The following RIPK1 variants were observed in gnomAD, a reference collection of about 807,000 sequenced individuals.
RIPK1 encodes receptor interacting serine/threonine kinase 1.
Under a neutral mutation model 62.4 loss-of-function variants are expected in RIPK1, and 27 were observed. The observed-to-expected ratio is 0.43, with a 90% CI of 0.32 to 0.60. RIPK1 has a LOEUF of 0.60. RIPK1 is among the 20% of genes least tolerant of loss of function. RIPK1 has a pLI of 0.07. For missense variants in RIPK1, 735 were observed against 831.0 expected (o/e 0.88, Z 1.42); for synonymous variants, 287 against 303.2 (o/e 0.95, Z 0.55).
In RIPK1 at chr6:3,076,769, A is replaced by G; in HGVS notation, c.-55A>G. The G allele has an allele frequency of 6.3e-7, 1 of 1,584,680 alleles. No homozygotes were observed. The highest frequency in any genetic ancestry group is 8.6e-7 in the Non-Finnish European group (1 of 1,165,842). On this transcript the variant is annotated 5_prime_UTR_variant, in exon 2 of 11. Transcript: ENST00000259808. The stretch of plus-strand genomic sequence containing the variant: ...TCTCTCTGTTTTCTTTACAGGGTAC[A>G]GCTCTGCCGGGGGGGGAAAAAGTGG...
At position 3,104,277 on chromosome 6, in the gene RIPK1, T is replaced by G. The variant is rs1344080235; in HGVS notation, c.968T>G (p.Leu323Arg). ...AVVKRMQSLQ[L>R]DCVAVPSSRS... ...GTGAAGAGAATGCAGTCTCTTCAAC[T>G]TGATTGTGTGGCAGTACCTTCAAGC... is the stretch of plus-strand genomic sequence containing the variant. Residue 323 changes from leucine (L) to arginine (R), a missense_variant, in exon 8 of 11, where the codon CTT becomes CGT. Physicochemically the swap from Leu to Arg is moderately radical, Grantham distance 102. This residue lies in a region of RIPK1 where 671 missense variants were observed against 726.2 expected (regional missense o/e 0.92). Coordinates refer to ENST00000259808, the MANE Select transcript of RIPK1 (RefSeq NM_001354930.2). 6.2e-7 allele frequency: 1 copy of G among 1,604,886 alleles called. No individual in the cohort carries two copies. The highest frequency in any genetic ancestry group is 8.5e-7 in the Non-Finnish European group (1 of 1,172,370).
In RIPK1 at chr6:3,105,586, G is replaced by A. The variant is rs201010882; in HGVS notation, c.1111G>A (p.Glu371Lys). The change falls in exon 9 of 11, where the codon GAG becomes AAG. Residue 371 changes from glutamate to lysine, a missense_variant. Coordinates refer to ENST00000259808, the MANE Select transcript of RIPK1 (RefSeq NM_001354930.2). This position sits in a 1 kb window ranked among gnomAD's most constrained non-coding sequence, Gnocchi z 4.5. ...CCTGGAGCACCCACAAGAAGAGAAT[G>A]AGCCCAGCCTGCAGAGTAAACTCCA... ...PSLEHPQEEN[E>K]PSLQSKLQDE... 2.5e-6 allele frequency: 4 copies of A among 1,613,992 alleles called. No homozygotes were observed. Among genetic ancestry groups the A allele is most frequent in the Non-Finnish European group, 3.4e-6 (4 of 1,179,946 alleles).
intron 7 of RIPK1, among the ~76,000 whole-genome samples, chr6:3,097,167 A>T (rs6938534): frequency 6.6e-6 from 1 of 152,032 alleles, no homozygotes; most frequent in Non-Finnish European, 1.5e-5. Flanking sequence ...CACCACGCCC[A>T]GCCTATATCT....
At chr6:3,101,836 C>T (rs1173438979) in intron 7 of RIPK1, among the ~76,000 whole-genome samples, 1 of 152,150 alleles carries the variant, frequency 6.6e-6, no homozygotes, top group African/African-American at 2.4e-5. Flanking sequence ...AGTGAACAAT[C>T]CAGTGGCATT....
At chr6:3,097,467 G>A (rs1459487220) in intron 7 of RIPK1, among the ~76,000 whole-genome samples, 2 of 152,206 alleles carry the variant, frequency 1.3e-5, no homozygotes, top group African/African-American at 4.8e-5. Context: ...TTTTCACAGA[G>A]ATGGCACTGT....
At chr6:3,064,549 C>T (rs1237460495), upstream of RIPK1, among the ~76,000 whole-genome samples, 4 of 152,200 alleles carry the variant, frequency 2.6e-5, no homozygotes, top group Non-Finnish European at 5.9e-5. Context: ...GACTGAGAAT[C>T]TGCAGAGCCA....
intron 8 of RIPK1, 93 bp downstream of exon 8, chr6:3,104,408 A>G: frequency 1.5e-6 from 1 of 669,366 alleles, no homozygotes. Flanking sequence ...CATATGGGAA[A>G]CAGAAGAAAC....
chr6:3,073,365 G>A (rs1327622431), intron 1 of RIPK1, among the ~76,000 whole-genome samples: 1 of 151,110 alleles, frequency 6.6e-6, no homozygotes, highest in East Asian at 1.9e-4. Flanking sequence ...GGTCATTATT[G>A]TTTCACTTTG....
At chr6:3,082,164 C>G (rs576869391) in intron 4 of RIPK1, among the ~76,000 whole-genome samples, 1 of 152,210 alleles carries the variant, frequency 6.6e-6, no homozygotes, top group Non-Finnish European at 1.5e-5. Context: ...GGAAGCAGCC[C>G]TGGGGGAGGC....
rs1472589931 is a variant in RIPK1, at chr6:3,113,495, G to A, written c.*156G>A. The A allele has an allele frequency of 1.5e-6, 1 of 659,094 alleles. No homozygotes were observed. The highest frequency in any genetic ancestry group is 1.8e-5 in the African/African-American group (1 of 55,126). The allele number at this position is 659,094 out of a possible 1,614,324, so 40.8% of individuals were successfully genotyped here. On this transcript the variant is annotated 3_prime_UTR_variant, in exon 11 of 11. Transcript: ENST00000259808. The surrounding 1 kb of genome is among the most constrained non-coding windows in gnomAD (Gnocchi z 5.0). ...CTGTACTTCATAGCTGGAGAATGGG[G>A]AAAGAAATCTGCAGCAAAGGGGTCT...
At chr6:3,095,505 T>C (rs377275032) in intron 7 of RIPK1, among the ~76,000 whole-genome samples, 83 of 152,258 alleles carry the variant, frequency 5.5e-4, no homozygotes, top group African/African-American at 1.6e-3. Flanking sequence ...GAAAGGAAAA[T>C]TACAGACCAA....
intron 10 of RIPK1, 53 bp downstream of exon 10, chr6:3,111,008 G>C: frequency 7.4e-7 from 1 of 1,359,514 alleles, no homozygotes; most frequent in Middle Eastern, 1.9e-4. Context: ...TTTCTTACTT[G>C]TGAGAAGGAC....
intron 7 of RIPK1, among the ~76,000 whole-genome samples, chr6:3,096,814 C>A (rs1771892748): frequency 6.6e-6 from 1 of 151,744 alleles, no homozygotes. Context: ...CCGTCTCAGC[C>A]TCCCAGAGTG....
chr6:3,100,966 T>C (rs1760562236), intron 7 of RIPK1, among the ~76,000 whole-genome samples: 1 of 152,166 alleles, frequency 6.6e-6, no homozygotes, highest in Non-Finnish European at 1.5e-5. Context: ...AGAAAATCAA[T>C]TTGATAAAAT....
At chr6:3,107,562 C>CAA (rs60843872) in intron 9 of RIPK1, among the ~76,000 whole-genome samples, 72 of 46,036 alleles carry the variant, frequency 1.6e-3, no homozygotes, top group Admixed American at 2.2e-3. Flanking sequence ...GAGACTGTCG[C>CAA]AAAAAAAAAA....
At chr6:3,064,970 C>T (rs917806530), upstream of RIPK1, among the ~76,000 whole-genome samples, 1 of 151,922 alleles carries the variant, frequency 6.6e-6, no homozygotes, top group African/African-American at 2.4e-5. Flanking sequence ...TGGTCGGGTG[C>T]GGTGGCTCAC....
intron 1 of RIPK1, among the ~76,000 whole-genome samples, chr6:3,075,489 C>G (rs1047381885): frequency 2.0e-5 from 3 of 152,152 alleles, no homozygotes; most frequent in African/African-American, 7.2e-5. Flanking sequence ...CAGATTCCTT[C>G]TTTTGTTCAT....
At chr6:3,095,834 A>C (rs2113661299) in intron 7 of RIPK1, among the ~76,000 whole-genome samples, 1 of 149,240 alleles carries the variant, frequency 6.7e-6, no homozygotes, top group South Asian at 2.1e-4. Context: ...ATTTTAACAA[A>C]ATGTTAACAG....
chr6:3,084,159 A>C (rs1581398104), intron 5 of RIPK1, among the ~76,000 whole-genome samples: 1 of 147,492 alleles, frequency 6.8e-6, no homozygotes, highest in South Asian at 2.1e-4. Context: ...CTCAGTTCAA[A>C]CCCTCCTCGT....
Sources: allele counts gnomAD v4.1 joint callset (sites outside exome capture counted in the v4.1 genomes callset), GRCh38; gene constraint gnomAD v4.1.1; regional missense constraint gnomAD v4.1.1; non-coding constraint Gnocchi (gnomAD v3.1); transcripts MANE v1.5; gene names NCBI Gene and HGNC (gene_info 2026-07-23, HGNC 2026-07-21).